The following NBPF10 variants were observed in gnomAD, a reference collection of about 807,000 sequenced individuals.
NBPF10 encodes NBPF family member NBPF10.
A neutral mutation model predicts 77.9 loss-of-function variants in NBPF10; 63 were observed. The ratio of observed to expected loss-of-function variants is 0.81; its 90% CI spans 0.66 to 1.00. NBPF10 has a LOEUF of 1.00. NBPF10 is among the 50% of genes least tolerant of loss of function. The pLI, the probability that NBPF10 is intolerant of heterozygous loss-of-function variation, is 0.00. For missense variants in NBPF10, 522 were observed against 679.8 expected (o/e 0.77, Z 2.58); for synonymous variants, 146 against 264.5 (o/e 0.55, Z 4.35).
chr1:146,126,688 C>T (rs1264160362), intron 13 of NBPF10, among the ~76,000 whole-genome samples: 2 of 142,798 alleles, frequency 1.4e-5, no homozygotes, highest in African/African-American at 5.1e-5. Context: ...AGTCAAAGGA[C>T]ACTCTGTATT....
intron 17 of NBPF10, among the ~76,000 whole-genome samples, chr1:146,123,502 A>G (rs1324621434): frequency 1.4e-4 from 14 of 100,506 alleles, no homozygotes; most frequent in African/African-American, 3.4e-4. Context: ...ACACACACAC[A>G]CACACACACA....
At chr1:146,142,087 G>A (rs377548681) in intron 2 of NBPF10, among the ~76,000 whole-genome samples, 36 of 126,532 alleles carry the variant, frequency 2.8e-4, no homozygotes, top group South Asian at 1.8e-3. Flanking sequence ...TCCTAATTCC[G>A]TTTCAAAAAG....
At chr1:146,123,829 A>G (rs1314933390) in intron 17 of NBPF10, 98 bp downstream of exon 17, 6 of 379,766 alleles carry the variant, frequency 1.6e-5, no homozygotes, top group Non-Finnish European at 2.7e-5. Context: ...GGCTTGGTTG[A>G]AGAGATGTAA....
intron 13 of NBPF10, among the ~76,000 whole-genome samples, chr1:146,126,622 C>CACACAT: frequency 6.9e-6 from 1 of 143,918 alleles, no homozygotes; most frequent in African/African-American, 2.5e-5. Flanking sequence ...CACACACACA[C>CACACAT]ACACACACAC....
intron 5 of NBPF10, among the ~76,000 whole-genome samples, chr1:146,138,810 A>G (rs61814627): frequency 7.1e-6 from 1 of 141,602 alleles, no homozygotes; most frequent in African/African-American, 2.5e-5. Flanking sequence ...TTTGAGACGG[A>G]GTCTCACTCT....
Position 146,125,469 on chromosome 1 carries a change from G to A in NBPF10, c.2074C>T (p.Pro692Ser), listed in dbSNP as rs1553789447. The A allele has an allele frequency of 9.3e-6, 4 of 432,222 alleles. No individual in the cohort carries two copies. In the Middle Eastern group the frequency reaches 2.3e-3, roughly 247 times the overall value. 26.8% of individuals were successfully genotyped at this position (432,222 alleles called of 1,614,324 possible). Residue 692 changes from proline to serine, a missense_variant, in exon 15 of 90, where the codon CCC (proline) becomes TCC (serine). Coordinates refer to ENST00000583866, the Ensembl canonical transcript of NBPF10. Reference sequence around the variant, plus strand: ...TCCATAATTGCTCAAAGTTACCTGGGGCATGATGGGTCTTGGTCTTCTTCC... The same window carrying A: ...TCCATAATTGCTCAAAGTTACCTGGAGCATGATGGGTCTTGGTCTTCTTCC...
Position 146,144,624 on chromosome 1 carries a change from C to A in NBPF10, c.146G>T (p.Gly49Val). The change falls in exon 1 of 90, where the codon GGC (glycine) becomes GTC (valine). Residue 49 changes from glycine to valine, a missense_variant. Physicochemically the swap from Gly to Val is moderately radical, Grantham distance 109. Around this residue, in one of 9 missense-constraint regions of NBPF10, gnomAD observed 71 missense variants for 114.9 expected, o/e 0.62. Coordinates refer to ENST00000583866, the Ensembl canonical transcript of NBPF10. ...TTTCTTCTGTCGGTTGGCCAGGAAGCCGGCCAGTTGAGTTAGAAAACATTT... is the reference window on the plus strand; with the variant it reads ...TTTCTTCTGTCGGTTGGCCAGGAAGACGGCCAGTTGAGTTAGAAAACATTT... 2.4e-6 allele frequency: 3 copies of A among 1,230,310 alleles called. 1 individual carries two copies. Among genetic ancestry groups the A allele is most frequent in the Non-Finnish European group, 3.2e-6 (3 of 936,342 alleles). The allele number at this position is 1,230,310 out of a possible 1,614,324, so 76.2% of individuals were successfully genotyped here.
chr1:146,067,199 G>C (rs782381506), exon 89 of NBPF10: 1 of 603,042 alleles, frequency 1.7e-6, no homozygotes, highest in Non-Finnish European at 3.0e-6. Flanking sequence ...GGTGGGTTTT[G>C]ATCTTCTTCC....
chr1:146,134,313 G>T (rs1553794078), intron 8 of NBPF10, 48 bp from the exon 9 acceptor site: 3 of 1,578,956 alleles, frequency 1.9e-6, no homozygotes, highest in Non-Finnish European at 2.6e-6. Context: ...TTCACAGTCT[G>T]CAAGCACAGT....
At chr1:146,076,264 C>G (rs1656034741) in intron 77 of NBPF10, among the ~76,000 whole-genome samples, 2 of 12,224 alleles carry the variant, frequency 1.6e-4, no homozygotes, top group African/African-American at 3.2e-4. Flanking sequence ...CACACACACA[C>G]ACACACACAC....
At chr1:146,126,213 C>T (rs781995270) in intron 14 of NBPF10, 23 bp downstream of exon 14, 4 of 1,492,090 alleles carry the variant, frequency 2.7e-6, no homozygotes, top group East Asian at 2.3e-5. Context: ...GGATCCTTAT[C>T]ACCTTCATAG....
intron 14 of NBPF10, among the ~76,000 whole-genome samples, chr1:146,126,026 G>A (rs1406458148): frequency 6.6e-6 from 1 of 151,736 alleles, no homozygotes; most frequent in Non-Finnish European, 1.5e-5. Context: ...CACAGGCATG[G>A]CCTGAGACTA....
intron 5 of NBPF10, among the ~76,000 whole-genome samples, chr1:146,138,785 G>T (rs1257746609): frequency 3.7e-5 from 5 of 135,198 alleles, no homozygotes; most frequent in Middle Eastern, 3.7e-3. Context: ...TTCTTTTTTG[G>T]TTTTTTGTTT....
intron 88 of NBPF10, 120 bp downstream of exon 88, chr1:146,067,883 C>G: frequency 1.4e-6 from 1 of 698,254 alleles, no homozygotes; most frequent in Non-Finnish European, 2.6e-6. Context: ...TATATGCGCC[C>G]ATAGGTCCTG....
intron 56 of NBPF10, among the ~76,000 whole-genome samples, chr1:146,092,950 G>C (rs1197651224): frequency 1.7e-5 from 2 of 120,070 alleles, no homozygotes; most frequent in Admixed American, 8.2e-5. Flanking sequence ...CTTGAGAGTA[G>C]GATTAGGGCG....
intron 88 of NBPF10, 113 bp downstream of exon 88, chr1:146,067,890 C>G (rs1301112776): frequency 8.6e-6 from 6 of 699,032 alleles, no homozygotes; most frequent in Non-Finnish European, 1.3e-5. Context: ...GCCCATAGGT[C>G]CTGCCTGCGG....
At chr1:146,068,313 C>T in intron 87 of NBPF10, 138 bp from the exon 88 acceptor site, 1 of 133,340 alleles carries the variant, frequency 7.5e-6, no homozygotes, top group South Asian at 4.9e-5. Flanking sequence ...TGAATTATTG[C>T]CTTTATGTTG....
chr1:146,067,722 G>C (rs1331337986), intron 88 of NBPF10, among the ~76,000 whole-genome samples: 2 of 149,966 alleles, frequency 1.3e-5, no homozygotes, highest in African/African-American at 4.9e-5. Context: ...CAAAATCACA[G>C]TTCTCTGAAT....
intron 71 of NBPF10, among the ~76,000 whole-genome samples, chr1:146,080,990 C>CAG (rs1656248259): frequency 2.5e-5 from 2 of 79,566 alleles, no homozygotes; most frequent in Admixed American, 1.4e-4. Flanking sequence ...CACACACACA[C>CAG]ACACACACAC....
Sources: gnomAD v4.1 joint callset for allele counts (sites outside exome capture counted in the v4.1 genomes callset) on GRCh38, gnomAD v4.1.1 for gene constraint, gnomAD v4.1.1 regional missense constraint, MANE v1.5 for transcripts, NCBI Gene and HGNC (gene_info 2026-07-23, HGNC 2026-07-21) for gene names.